Variants in SVIL observed in about 807,000 individuals in gnomAD.
SVIL encodes the protein archvillin.
In SVIL, 101 loss-of-function variants were observed where a neutral mutation model predicts 240.4. The ratio of observed to expected loss-of-function variants is 0.42; its 90% CI spans 0.36 to 0.50. The LOEUF is 0.50. SVIL is among the 20% of genes least tolerant of loss of function. SVIL has a pLI of 0.01. For synonymous variants in SVIL, 999 were observed against 1,100.0 expected (o/e 0.91, Z 1.82); for missense variants, 2,512 against 2,818.7 (o/e 0.89, Z 2.46).
chr10:29,587,249 T>C (rs1025336546), intron 1 of SVIL, among the ~76,000 whole-genome samples: 2 of 152,158 alleles, frequency 1.3e-5, no homozygotes, highest in African/African-American at 4.8e-5. Context: ...CACAGAGCAC[T>C]ATCATTAATA....
At chr10:29,638,119 A>G (rs116828634), upstream of SVIL, among the ~76,000 whole-genome samples, 40 of 152,298 alleles carry the variant, frequency 2.6e-4, no homozygotes, top group African/African-American at 9.4e-4. Context: ...CCTCATGATC[A>G]CTTTGTACTA....
intron 1 of SVIL, among the ~76,000 whole-genome samples, chr10:29,692,583 C>T (rs949946611): frequency 6.6e-6 from 1 of 151,546 alleles, no homozygotes; most frequent in Non-Finnish European, 1.5e-5. Context: ...TAACATTCTA[C>T]TTTCTCTGAA....
chr10:29,536,202 A>G lies in SVIL; in HGVS notation c.828-133T>C, dbSNP rs112204640. 907 of 812,490 alleles carry G rather than the reference A, an allele frequency of 1.1e-3. 2 individuals are homozygous for G. In the African/African-American group the frequency reaches 0.014, roughly 13 times the overall value. The allele number at this position is 812,490 out of a possible 1,614,324, so 50.3% of individuals were successfully genotyped here. On this transcript the variant is annotated intron_variant, in intron 6 of 37. Transcript: ENST00000355867. ...CCTCACTTATAAGTGGGAGTTAAAC[A>G]TGGAGTACACATGGTCACAAAGAGG... is the stretch of plus-strand genomic sequence containing the variant.
intron 1 of SVIL, among the ~76,000 whole-genome samples, chr10:29,719,311 G>A (rs1398735751): frequency 6.6e-6 from 1 of 152,114 alleles, no homozygotes; most frequent in Non-Finnish European, 1.5e-5. Flanking sequence ...GTATAAACGG[G>A]TTAAGAAATA....
chr10:29,636,257 G>T (rs1387689483), upstream of SVIL, among the ~76,000 whole-genome samples: 1 of 151,992 alleles, frequency 6.6e-6, no homozygotes, highest in Non-Finnish European at 1.5e-5. Flanking sequence ...CTTGTTTTAC[G>T]TATTTTTATA....
Position 29,462,306 on chromosome 10 carries a change from T to C in SVIL, c.6373A>G (p.Arg2125Gly), listed in dbSNP as rs1944359010. 3 of 1,614,088 alleles carry C rather than the reference T, an allele frequency of 1.9e-6. No individual in the cohort carries two copies. Among genetic ancestry groups the C allele is most frequent in the South Asian group, 2.2e-5 (2 of 91,092 alleles). The change falls in exon 36 of 38, where the codon AGA (arginine) becomes GGA (glycine). Residue 2125 changes from arginine (R) to glycine (G), a missense_variant. Arg to Gly is a moderately radical substitution (Grantham distance 125). Around this residue, in one of 3 missense-constraint regions of SVIL, gnomAD observed 797 missense variants for 925.3 expected, o/e 0.86. Transcript: ENST00000355867. ...TCTGTGATCTCAGCGATGTCCTCTC[T>C]GTGCTCCCAGCTGGGAAACATATTG... is the stretch of plus-strand genomic sequence containing the variant. ...FTNMFPSWEH[R>G]EDIAEITEMD... is the part of the protein sequence containing the mutation.
chr10:29,555,720 T>C (rs1953864083), intron 3 of SVIL, among the ~76,000 whole-genome samples: 1 of 152,232 alleles, frequency 6.6e-6, no homozygotes, highest in African/African-American at 2.4e-5. Context: ...TTCTAACTTT[T>C]GTTTGATTTA....
chr10:29,608,315 C>T (rs1461374358), intron 1 of SVIL, among the ~76,000 whole-genome samples: 12 of 152,244 alleles, frequency 7.9e-5, no homozygotes, highest in Admixed American at 3.9e-4. Flanking sequence ...CAACTGTTGA[C>T]GGCAGCAGTG....
At chr10:29,546,360 T>C (rs982990123) in intron 6 of SVIL, among the ~76,000 whole-genome samples, 1 of 152,202 alleles carries the variant, frequency 6.6e-6, no homozygotes, top group Non-Finnish European at 1.5e-5. Flanking sequence ...TTCGTTACTA[T>C]GTGTATTCTT....
chr10:29,506,816 C>CAGGGAAGGGATAGAGGCCCTAGG (rs1949386351), intron 17 of SVIL, among the ~76,000 whole-genome samples: 13 of 129,434 alleles, frequency 1.0e-4, no homozygotes, highest in African/African-American at 3.7e-4. Context: ...AGAGGGCCTA[C>CAGGGAAGGGATAGAGGCCCTAGG]AGGGAAGGGA....
intron 17 of SVIL, among the ~76,000 whole-genome samples, chr10:29,506,734 G>A (rs1261900117): frequency 2.1e-5 from 3 of 146,256 alleles, no homozygotes; most frequent in South Asian, 2.2e-4. Flanking sequence ...TACGAAGGAG[G>A]GGACAGAGGC....
intron 1 of SVIL, among the ~76,000 whole-genome samples, chr10:29,583,228 A>G (rs763306689): frequency 2.6e-5 from 4 of 152,186 alleles, no homozygotes; most frequent in African/African-American, 4.8e-5. Flanking sequence ...TCTCAGCAAT[A>G]ATAATCAGTA....
At chr10:29,514,158 T>C (rs58544770) in intron 16 of SVIL, among the ~76,000 whole-genome samples, 2 of 51,120 alleles carry the variant, frequency 3.9e-5, no homozygotes, top group East Asian at 4.6e-4. Flanking sequence ...AATATTTTTA[T>C]CCATAAATAT....
chr10:29,519,137 G>A (rs1225215517), intron 16 of SVIL, among the ~76,000 whole-genome samples: 1 of 152,202 alleles, frequency 6.6e-6, no homozygotes, highest in Non-Finnish European at 1.5e-5. Context: ...GCCCTGTTAA[G>A]AGCATGTGAA....
At chr10:29,639,948 G>A (rs545186519), upstream of SVIL, among the ~76,000 whole-genome samples, 2 of 152,198 alleles carry the variant, frequency 1.3e-5, no homozygotes, top group South Asian at 2.1e-4. Context: ...CTTTTCTGGC[G>A]CTTTGGGGAA....
At chr10:29,563,451 T>C (rs1954692264) in intron 2 of SVIL, among the ~76,000 whole-genome samples, 159 bp from the exon 3 acceptor site, 1 of 152,172 alleles carries the variant, frequency 6.6e-6, no homozygotes, top group Non-Finnish European at 1.5e-5. Flanking sequence ...ATTGGTAACT[T>C]TTTTCATTTA....
chr10:29,490,986 T>C lies in SVIL; in HGVS notation c.4053A>G (p.Ala1351=), dbSNP rs751485478. 33 of 1,613,860 alleles carry C rather than the reference T, an allele frequency of 2.0e-5. No individual in the cohort carries two copies. Among genetic ancestry groups the C allele is most frequent in the South Asian group, 1.5e-4 (14 of 91,080 alleles). ...CCTGAACCCGGCGCTTGGGCCTAAC[T>C]GCCCGCTTGTGCTCGGCCACGGAAG... is the stretch of plus-strand genomic sequence containing the variant. The part of the protein sequence containing the change: ...LTSSVAEHKR[A]VRPKRRVQAS... The change falls in exon 22 of 38, where the codon GCA becomes GCG. Residue 1351 remains alanine (A), a synonymous_variant. Transcript: ENST00000355867.
At chr10:29,695,749 A>C (rs540974062) in intron 1 of SVIL, among the ~76,000 whole-genome samples, 84 of 151,852 alleles carry the variant, frequency 5.5e-4, no homozygotes, top group African/African-American at 1.9e-3. Context: ...CTCTCAAAAA[A>C]ATAAATAAAA....
At chr10:29,659,169 G>C (rs1959087009) in intron 2 of SVIL, among the ~76,000 whole-genome samples, 1 of 152,156 alleles carries the variant, frequency 6.6e-6, no homozygotes, top group African/African-American at 2.4e-5. Flanking sequence ...CTTTAGACTC[G>C]AGGGTTGACA....
Sources: gnomAD v4.1 joint callset for allele counts (sites outside exome capture counted in the v4.1 genomes callset) on GRCh38, gnomAD v4.1.1 for gene constraint, gnomAD v4.1.1 regional missense constraint, MANE v1.5 for transcripts, NCBI Gene and HGNC (gene_info 2026-07-23, HGNC 2026-07-21) for gene names.